The following RUFY3 variants were observed in gnomAD, a reference collection of about 807,000 sequenced individuals.
RUFY3 encodes RUN and FYVE domain containing 3.
RUFY3 carries 34 observed loss-of-function variants against 84.0 expected under a neutral mutation model. The observed-to-expected ratio is 0.40, with a 90% CI of 0.31 to 0.54. The LOEUF is 0.54. RUFY3 is among the 20% of genes least tolerant of loss of function. The pLI is 0.39. For missense variants in RUFY3, 507 were observed against 736.8 expected (o/e 0.69, Z 3.61); for synonymous variants, 242 against 252.9 (o/e 0.96, Z 0.41).
intron 10 of RUFY3, 83 bp from the exon 11 acceptor site, chr4:70,788,723 G>A: frequency 1.3e-6 from 2 of 1,482,790 alleles, no homozygotes; most frequent in Non-Finnish European, 9.1e-7. Context: ...GAGAGTTTTG[G>A]TGTACTTTTT....
chr4:70,737,605 G>A (rs1330322402), intron 1 of RUFY3, among the ~76,000 whole-genome samples: 2 of 151,192 alleles, frequency 1.3e-5, no homozygotes, highest in Non-Finnish European at 2.9e-5. Context: ...CCTCCTTAGC[G>A]TTCTAGTGTC....
intron 1 of RUFY3, 100 bp from the exon 2 acceptor site, chr4:70,762,419 T>C: frequency 1.9e-6 from 2 of 1,047,642 alleles, no homozygotes; most frequent in Non-Finnish European, 1.4e-6. Context: ...GCATTTTTTT[T>C]CACAGTGAGT....
At chr4:70,766,905 A>G (rs535379038) in intron 4 of RUFY3, among the ~76,000 whole-genome samples, 1 of 151,854 alleles carries the variant, frequency 6.6e-6, no homozygotes, top group East Asian at 1.9e-4. Context: ...CTGTCCTCCA[A>G]CCCCTAATAA....
At chr4:70,799,338 G>C (rs1396259793) in intron 14 of RUFY3, 1 of 151,872 alleles carries the variant, frequency 6.6e-6, no homozygotes, top group Non-Finnish European at 1.5e-5. Context: ...TCAGGACTTC[G>C]AGACCAGCCT....
intron 1 of RUFY3, among the ~76,000 whole-genome samples, chr4:70,729,916 A>G (rs745550189): frequency 2.8e-5 from 4 of 145,420 alleles, no homozygotes; most frequent in Non-Finnish European, 4.5e-5. Context: ...ATCCAGGAAT[A>G]TGCATTTTTG....
chr4:70,726,373 CT>C (rs1031558937), intron 1 of RUFY3, among the ~76,000 whole-genome samples: 1 of 151,426 alleles, frequency 6.6e-6, no homozygotes, highest in South Asian at 2.1e-4. Context: ...TCTTTTTTTT[CT>C]TTTTTTTGAG....
At chr4:70,748,016 C>T (rs1358489507) in intron 1 of RUFY3, among the ~76,000 whole-genome samples, 2 of 152,152 alleles carry the variant, frequency 1.3e-5, no homozygotes, top group African/African-American at 4.8e-5. Context: ...TTCTTGACCC[C>T]TTCATTTCCT....
intron 1 of RUFY3, among the ~76,000 whole-genome samples, chr4:70,757,416 C>G (rs1373429208): frequency 6.6e-6 from 1 of 151,922 alleles, no homozygotes; most frequent in East Asian, 1.9e-4. Context: ...ACCAGCCTGA[C>G]CAATATGGTG....
chr4:70,797,700 G>A lies in RUFY3; in HGVS notation c.1558-2441G>A, dbSNP rs575886201. On this transcript the variant is annotated intron_variant, in intron 14 of 17. Transcript: ENST00000381006. ...TCTACTAAAAATACAAAAATAAGCC[G>A]GGCATGGTGGTAGTCTCCTATAATC... 1.1e-4 allele frequency among the ~76,000 whole-genome samples: 17 copies of A among 151,976 alleles called. No individual in the cohort carries two copies. The East Asian group carries it at 2.9e-3, about 26-fold the overall frequency.
intron 1 of RUFY3, chr4:70,734,716 C>T (rs1371835717): frequency 4.5e-6 from 1 of 221,220 alleles, no homozygotes; most frequent in Non-Finnish European, 7.6e-6. Context: ...CATGCTGCCT[C>T]TGATCTGACC....
At chr4:70,719,055 T>C (rs1378831784), upstream of RUFY3, among the ~76,000 whole-genome samples, 1 of 152,258 alleles carries the variant, frequency 6.6e-6, no homozygotes, top group Non-Finnish European at 1.5e-5. Flanking sequence ...AGCACTGTTT[T>C]CATAGTAACT....
intron 12 of RUFY3, chr4:70,790,079 T>C (rs968064411): frequency 5.5e-6 from 1 of 182,716 alleles, no homozygotes; most frequent in African/African-American, 2.4e-5. Context: ...TCCCTTTTCT[T>C]TCTCCTGGGT....
At chr4:70,777,391 G>T (rs1432359654) in intron 7 of RUFY3, among the ~76,000 whole-genome samples, 1 of 152,044 alleles carries the variant, frequency 6.6e-6, no homozygotes, top group Non-Finnish European at 1.5e-5. Flanking sequence ...TAATTTTGAA[G>T]AATAATTAAT....
At chr4:70,763,040 C>A (rs1263204083) in intron 2 of RUFY3, among the ~76,000 whole-genome samples, 2 of 152,200 alleles carry the variant, frequency 1.3e-5, no homozygotes, top group East Asian at 3.9e-4. Context: ...GAACTCAGGT[C>A]TCCCGACTCT....
intron 1 of RUFY3, among the ~76,000 whole-genome samples, chr4:70,706,474 G>A (rs1184968496): frequency 2.6e-5 from 4 of 152,178 alleles, no homozygotes; most frequent in African/African-American, 9.7e-5. Context: ...CAAACTGAAT[G>A]CCACTTTTTC....
chr4:70,764,466 T>G lies in RUFY3; in HGVS notation c.471-9T>G. The stretch of plus-strand genomic sequence containing the variant: ...TGTTTTCAGTTGTTTGATTTCTGTG[T>G]TTTTGTAGGACACCAGTAGGTAGAG... On this transcript the variant is annotated splice_polypyrimidine_tract_variant and intron_variant, in intron 3 of 17. Coordinates refer to ENST00000381006, the MANE Select transcript of RUFY3 (RefSeq NM_001037442.4). The G allele has an allele frequency of 6.3e-7, 1 of 1,594,844 alleles. No individual in the cohort carries two copies. The highest frequency in any genetic ancestry group is 8.6e-7 in the Non-Finnish European group (1 of 1,165,420).
chr4:70,790,605 C>A (rs1026782986), intron 12 of RUFY3, among the ~76,000 whole-genome samples: 5 of 152,196 alleles, frequency 3.3e-5, no homozygotes, highest in Admixed American at 3.3e-4. Flanking sequence ...ACTCCCATAG[C>A]TTCATACTCA....
At chr4:70,741,659 C>A in intron 1 of RUFY3, 3 of 1,521,650 alleles carry the variant, frequency 2.0e-6, no homozygotes, top group Non-Finnish European at 2.6e-6. Flanking sequence ...TTTGGTGGAG[C>A]AAATGCGCGA....
At chr4:70,788,367 A>G (rs1730262945) in intron 10 of RUFY3, among the ~76,000 whole-genome samples, 1 of 151,992 alleles carries the variant, frequency 6.6e-6, no homozygotes, top group Non-Finnish European at 1.5e-5. Context: ...AGGGACCCAG[A>G]TGGTCCTCTG....
Sources: gnomAD v4.1 joint callset for allele counts (sites outside exome capture counted in the v4.1 genomes callset) on GRCh38, gnomAD v4.1.1 for gene constraint, MANE v1.5 for transcripts, NCBI Gene and HGNC (gene_info 2026-07-23, HGNC 2026-07-21) for gene names.